EXOC5: variants seen among roughly 807,000 people sequenced by gnomAD.
EXOC5 encodes the protein SEC10-like 1.
EXOC5 carries 17 observed loss-of-function variants against 90.8 expected under a neutral mutation model. The observed-to-expected ratio is 0.19, with a 90% CI of 0.13 to 0.28. The LOEUF is 0.28. Ranked by LOEUF, EXOC5 falls within the 10% of genes least tolerant of loss-of-function variation. The probability of loss-of-function intolerance (pLI) is 1.00; values close to 1 mark genes in which losing one functional copy is unlikely to be tolerated. For missense variants in EXOC5, 569 were observed against 830.6 expected, an observed-to-expected ratio of 0.69 and a Z score of 3.87; for synonymous variants, 260 against 270.0, an observed-to-expected ratio of 0.96 and a Z score of 0.36.
In EXOC5 at chr14:57,251,481, T is replaced by C. The variant is rs1218846879; in HGVS notation, c.28-3769A>G. ...AATTACAAGGGAAATTGTAAAATACTTATGAATGAAAATAAAAACACAACA... is the reference window on the plus strand; with the variant it reads ...AATTACAAGGGAAATTGTAAAATACCTATGAATGAAAATAAAAACACAACA... On this transcript the variant is annotated intron_variant, in intron 1 of 17. Coordinates refer to ENST00000621441, the MANE Select transcript of EXOC5 (RefSeq NM_006544.4). Among the ~76,000 whole-genome samples, 3 of 152,138 alleles carry C rather than the reference T, an allele frequency of 2.0e-5. No individual in the cohort carries two copies. The South Asian group carries it at 6.2e-4, about 32-fold the overall frequency.
chr14:57,225,919 ATTCTT>A (rs1250485559), intron 12 of EXOC5, among the ~76,000 whole-genome samples: 1 of 152,206 alleles, frequency 6.6e-6, no homozygotes, highest in Non-Finnish European at 1.5e-5. Context: ...AAACAGTCGT[ATTCTT>A]TTGAGTCTTT....
In EXOC5 at chr14:57,252,638, T is replaced by C. The variant is rs1201086954; in HGVS notation, c.28-4926A>G. Among the ~76,000 whole-genome samples the C allele has an allele frequency of 2.6e-5, 4 of 152,180 alleles. 1 individual carries two copies. The East Asian group carries it at 5.8e-4, about 22-fold the overall frequency. The stretch of plus-strand genomic sequence containing the variant: ...TATTATCAAAAAGACAAAAGATAAG[T>C]GTTGGTGAAAATGTGGAGAAAAAGG... On this transcript the variant is annotated intron_variant, in intron 1 of 17. Transcript: ENST00000621441.
At position 57,222,760 on chromosome 14, in the gene EXOC5, CACATAT is replaced by C. The variant is rs1360001283; in HGVS notation, c.1297-350_1297-345del. 2.8e-3 allele frequency among the ~76,000 whole-genome samples: 412 copies of C among 147,858 alleles called. 3 individuals carry two copies. The highest frequency in any genetic ancestry group is 0.01 in the African/African-American group (389 of 38,510). ...ACACATATATATATACACACACACACACATATATATATATATATATGTATACACACA... is the reference window on the plus strand; with the variant it reads ...ACACATATATATATACACACACACACATATATATATATATGTATACACACA... On this transcript the variant is annotated intron_variant, in intron 12 of 17. Coordinates refer to ENST00000621441, the MANE Select transcript of EXOC5 (RefSeq NM_006544.4).
In EXOC5 at chr14:57,210,037, C is replaced by G; in HGVS notation, c.1638G>C (p.Gln546His). The change falls in exon 16 of 18, where the codon CAG becomes CAC. Residue 546 changes from glutamine (Q) to histidine (H), a missense_variant. Transcript: ENST00000621441. ...GTTCTGCAGCCAAAATATGCTTCAT[C>G]TGTCCAATCATACAATTTAATGTCC... ...IDRTLNCMIG[Q>H]MKHILAAEQK... is the part of the protein sequence containing the mutation. 1 of 1,586,824 alleles carries G rather than the reference C, an allele frequency of 6.3e-7. No individual in the cohort carries two copies. Among genetic ancestry groups the G allele is most frequent in the South Asian group, 1.1e-5 (1 of 89,508 alleles).
At chr14:57,210,173 G>A (rs2139606567) in intron 15 of EXOC5, 112 bp from the exon 16 acceptor site, 1 of 570,488 alleles carries the variant, frequency 1.8e-6, no homozygotes. Context: ...CTATCACCAT[G>A]AAACTCTTTT....
chr14:57,228,832 G>A (rs370763845), intron 12 of EXOC5, among the ~76,000 whole-genome samples: 3 of 144,256 alleles, frequency 2.1e-5, no homozygotes, highest in South Asian at 4.4e-4. Flanking sequence ...CTCTGCACAC[G>A]TATCCCAGAA....
chr14:57,217,513 T>A (rs1883008868), intron 15 of EXOC5, among the ~76,000 whole-genome samples: 1 of 152,186 alleles, frequency 6.6e-6, no homozygotes, highest in African/African-American at 2.4e-5. Context: ...TTTAATTGTT[T>A]TGGGGTACCA....
At chr14:57,222,740 T>C (rs1018577390) in intron 12 of EXOC5, among the ~76,000 whole-genome samples, 96 of 145,172 alleles carry the variant, frequency 6.6e-4, no homozygotes, top group African/African-American at 2.4e-3. Flanking sequence ...TACACACACA[T>C]ATATATATAC....
intron 1 of EXOC5, among the ~76,000 whole-genome samples, chr14:57,267,675 T>C (rs529994608): frequency 9.8e-5 from 15 of 152,356 alleles, no homozygotes; most frequent in African/African-American, 3.6e-4. Context: ...TGTCATTGTT[T>C]TGTAGCCTAA....
At chr14:57,229,655 C>A in intron 12 of EXOC5, 79 bp downstream of exon 12, 1 of 1,087,850 alleles carries the variant, frequency 9.2e-7, no homozygotes, top group Non-Finnish European at 1.2e-6. Flanking sequence ...TTTTGGTATC[C>A]TCGGAGGTTC....
At chr14:57,225,706 TA>T (rs1173996277) in intron 12 of EXOC5, among the ~76,000 whole-genome samples, 1 of 152,148 alleles carries the variant, frequency 6.6e-6, no homozygotes, top group Non-Finnish European at 1.5e-5. Context: ...TTGCTAAGGT[TA>T]AGGACATTCC....
At chr14:57,259,572 A>T (rs188542155) in intron 1 of EXOC5, among the ~76,000 whole-genome samples, 49 of 152,252 alleles carry the variant, frequency 3.2e-4, no homozygotes, top group African/African-American at 1.0e-3. Context: ...CCCACCAAGT[A>T]TGGCCTTTCT....
chr14:57,215,219 G>A (rs970632556), intron 15 of EXOC5, among the ~76,000 whole-genome samples: 3 of 151,196 alleles, frequency 2.0e-5, no homozygotes, highest in Non-Finnish European at 4.4e-5. Flanking sequence ...GCAACAGAGG[G>A]AGACTCCGTC....
At chr14:57,239,473 C>G (rs1594669264) in intron 5 of EXOC5, 122 bp downstream of exon 5, 2 of 632,500 alleles carry the variant, frequency 3.2e-6, no homozygotes, top group Non-Finnish European at 5.5e-6. Flanking sequence ...GTAAATGAAC[C>G]AGCAAGTGCT....
chr14:57,251,613 A>C (rs929995425), intron 1 of EXOC5, among the ~76,000 whole-genome samples: 1 of 151,514 alleles, frequency 6.6e-6, no homozygotes, highest in African/African-American at 2.4e-5. Context: ...TTTAAAACTT[A>C]AGTTATTAGA....
chr14:57,213,043 GACATTTC>G (rs1462550397), intron 15 of EXOC5, among the ~76,000 whole-genome samples: 1 of 151,838 alleles, frequency 6.6e-6, no homozygotes, highest in African/African-American at 2.4e-5. Context: ...TCTTCTGTAA[GACATTTC>G]ACACTTACAC....
chr14:57,260,084 A>G lies in EXOC5; in HGVS notation c.27+8538T>C, dbSNP rs113820513. ...ATGAGCCTAATACAATTCTGGCACT[A>G]CAAAGAACTAAAAGAATTTTATAAT... On this transcript the variant is annotated intron_variant, in intron 1 of 17. Transcript: ENST00000621441. Among the ~76,000 whole-genome samples, 6 of 152,352 alleles carry G rather than the reference A, an allele frequency of 3.9e-5. 1 individual carries two copies. Among genetic ancestry groups the G allele is most frequent in the African/African-American group, 1.4e-4 (6 of 41,576 alleles).
chr14:57,225,312 G>C (rs1883273106), intron 12 of EXOC5, among the ~76,000 whole-genome samples: 1 of 152,064 alleles, frequency 6.6e-6, no homozygotes, highest in Non-Finnish European at 1.5e-5. Context: ...ACTCAGCTAA[G>C]TAGGATAAAA....
chr14:57,240,671 C>T (rs905998273), intron 4 of EXOC5, among the ~76,000 whole-genome samples: 2 of 152,080 alleles, frequency 1.3e-5, no homozygotes, highest in African/African-American at 2.4e-5. Context: ...TGCTTATTTA[C>T]ACAACAGTTC....
Sources: gnomAD v4.1 joint callset for allele counts (sites outside exome capture counted in the v4.1 genomes callset) on GRCh38, gnomAD v4.1.1 for gene constraint, MANE v1.5 for transcripts, NCBI Gene and HGNC (gene_info 2026-07-23, HGNC 2026-07-21) for gene names.